Variants in SEMA3A observed in about 807,000 individuals in gnomAD.
SEMA3A encodes semaphorin 3A.
In SEMA3A, 29 loss-of-function variants were observed where a neutral mutation model predicts 97.9. That is an observed-to-expected ratio of 0.30 (90% CI 0.22 to 0.40). The LOEUF (loss-of-function observed/expected upper bound fraction) is 0.40, where lower values mean the gene tolerates loss of function less well. Ranked by LOEUF, SEMA3A falls within the 10% of genes least tolerant of loss-of-function variation. The pLI, the probability that SEMA3A is intolerant of heterozygous loss-of-function variation, is 1.00. For synonymous variants in SEMA3A, 321 were observed against 323.7 expected (o/e 0.99, Z 0.09); for missense variants, 763 against 951.3 (o/e 0.80, Z 2.60).
chr7:84,066,306 C>G (rs1202385727), intron 4 of SEMA3A, among the ~76,000 whole-genome samples: 1 of 152,032 alleles, frequency 6.6e-6, no homozygotes, highest in Non-Finnish European at 1.5e-5. Context: ...AAACCCACAT[C>G]CAATATCATA....
intron 3 of SEMA3A, among the ~76,000 whole-genome samples, chr7:84,286,844 A>C (rs1800602256): frequency 6.6e-6 from 1 of 152,132 alleles, no homozygotes; most frequent in South Asian, 2.1e-4. Context: ...TATTTGCATC[A>C]TTTAAAAATG....
At chr7:84,276,790 T>G (rs533350037) in intron 3 of SEMA3A, among the ~76,000 whole-genome samples, 1 of 152,124 alleles carries the variant, frequency 6.6e-6, no homozygotes, top group Non-Finnish European at 1.5e-5. Context: ...AACACTGATC[T>G]CATTAACAAA....
intron 1 of SEMA3A, among the ~76,000 whole-genome samples, chr7:84,475,398 TA>T (rs1357931905): frequency 1.3e-5 from 2 of 152,136 alleles, no homozygotes; most frequent in Non-Finnish European, 2.9e-5. Flanking sequence ...GTTTTAAGGT[TA>T]AAAAATTCAT....
At position 84,194,561 on chromosome 7, in the gene SEMA3A, CAG is replaced by C; in HGVS notation, c.24_25del (p.Cys9SerfsTer55). 1 of 1,612,766 alleles carries C rather than the reference CAG, an allele frequency of 6.2e-7. No individual in the cohort carries two copies. The highest frequency in any genetic ancestry group is 8.5e-7 in the Non-Finnish European group (1 of 1,178,836). On this transcript the variant is annotated frameshift_variant, in exon 1 of 17. Transcript: ENST00000265362. LOFTEE classifies it high-confidence loss of function. ...TGTAAGTAATACTCCCCAGAAAAGA[CAG>C]ACAATCCTAGTTAACCAGCCCATGC...
chr7:84,320,971 A>G, intron 2 of SEMA3A, among the ~76,000 whole-genome samples: 1 of 152,236 alleles, frequency 6.6e-6, no homozygotes, highest in African/African-American at 2.4e-5. Context: ...ACTGGCCATC[A>G]ATATTGGTGA....
At chr7:83,995,489 G>A (rs1336759093) in intron 12 of SEMA3A, among the ~76,000 whole-genome samples, 2 of 152,082 alleles carry the variant, frequency 1.3e-5, no homozygotes, top group Non-Finnish European at 2.9e-5. Flanking sequence ...TTTAGACCAG[G>A]AAATTAATAA....
intron 12 of SEMA3A, among the ~76,000 whole-genome samples, chr7:83,995,422 A>G (rs1463290700): frequency 6.6e-6 from 1 of 152,186 alleles, no homozygotes; most frequent in Non-Finnish European, 1.5e-5. Flanking sequence ...TGTCATATTA[A>G]GATTTTAATA....
intron 5 of SEMA3A, among the ~76,000 whole-genome samples, chr7:84,047,270 G>T (rs1562994674): frequency 2.6e-5 from 4 of 151,972 alleles, no homozygotes; most frequent in African/African-American, 7.2e-5. Context: ...GAAGGGAAAA[G>T]ACAAGAAGGG....
intron 3 of SEMA3A, among the ~76,000 whole-genome samples, chr7:84,253,898 T>C (rs1162058384): frequency 6.6e-6 from 1 of 152,172 alleles, no homozygotes; most frequent in Admixed American, 6.5e-5. Context: ...AGCACGGAGA[T>C]GCTAGACTAG....
At chr7:84,350,543 T>C (rs1275851415) in intron 2 of SEMA3A, among the ~76,000 whole-genome samples, 1 of 152,214 alleles carries the variant, frequency 6.6e-6, no homozygotes. Context: ...CAGATATTGT[T>C]ACTGGGGTAA....
At chr7:84,002,483 C>T (rs1790500669) in intron 11 of SEMA3A, among the ~76,000 whole-genome samples, 1 of 152,104 alleles carries the variant, frequency 6.6e-6, no homozygotes, top group Admixed American at 6.6e-5. Context: ...ACTTTTATTA[C>T]AAAATCAGGG....
At chr7:84,378,918 T>C (rs956148459) in intron 1 of SEMA3A, among the ~76,000 whole-genome samples, 1 of 118,470 alleles carries the variant, frequency 8.4e-6, no homozygotes, top group African/African-American at 4.3e-5. Flanking sequence ...GTTGTTGTTG[T>C]TGTTGTTGTT....
chr7:84,176,906 A>G (rs541708367), intron 1 of SEMA3A, among the ~76,000 whole-genome samples: 5 of 152,244 alleles, frequency 3.3e-5, no homozygotes, highest in African/African-American at 4.8e-5. Flanking sequence ...GCCACCATCT[A>G]AGCCTTCTTC....
chr7:84,304,232 T>A (rs1801098499), intron 3 of SEMA3A, among the ~76,000 whole-genome samples: 1 of 152,150 alleles, frequency 6.6e-6, no homozygotes, highest in South Asian at 2.1e-4. Flanking sequence ...CATGAAGTTT[T>A]GCTAGGATGT....
rs770149186 is a variant in SEMA3A, at chr7:84,220,699, C to T, written c.-82-26031G>A. Among the ~76,000 whole-genome samples the T allele has an allele frequency of 2.5e-4, 38 of 152,056 alleles. 1 individual carries two copies. Among genetic ancestry groups the T allele is most frequent in the Non-Finnish European group, 4.6e-4 (31 of 67,992 alleles). Reference sequence around the variant, plus strand: ...TGCATTGTCAGTGAGCAATAATATGCTGAAAGGAATCTTGTTTTCCTGAGC... The same window carrying T: ...TGCATTGTCAGTGAGCAATAATATGTTGAAAGGAATCTTGTTTTCCTGAGC... On this transcript the variant is annotated intron_variant, in intron 3 of 3. Coordinates refer to the SEMA3A transcript ENST00000424555.
chr7:84,242,995 G>A (rs947023049), intron 3 of SEMA3A, among the ~76,000 whole-genome samples: 1 of 152,182 alleles, frequency 6.6e-6, no homozygotes, highest in Non-Finnish European at 1.5e-5. Flanking sequence ...GCATCCCAGG[G>A]ATGAAGCCGA....
chr7:84,490,256 A>T (rs868035394), intron 1 of SEMA3A, among the ~76,000 whole-genome samples: 9 of 151,824 alleles, frequency 5.9e-5, no homozygotes, highest in African/African-American at 2.2e-4. Context: ...ACCATTACAA[A>T]TCTTCTTTGA....
chr7:84,043,462 A>G (rs545761250), intron 6 of SEMA3A, among the ~76,000 whole-genome samples: 1 of 152,236 alleles, frequency 6.6e-6, no homozygotes, highest in African/African-American at 2.4e-5. Flanking sequence ...AGTTGAACTG[A>G]TTTGAGAAAA....
intron 1 of SEMA3A, among the ~76,000 whole-genome samples, chr7:84,388,428 T>A (rs1030843945): frequency 2.0e-5 from 3 of 152,044 alleles, no homozygotes; most frequent in Non-Finnish European, 4.4e-5. Flanking sequence ...TGTTCTGTCA[T>A]TTTTTAGCCT....
Sources: gnomAD v4.1 joint callset for allele counts (sites outside exome capture counted in the v4.1 genomes callset) on GRCh38, gnomAD v4.1.1 for gene constraint, MANE v1.5 for transcripts, NCBI Gene and HGNC (gene_info 2026-07-23, HGNC 2026-07-21) for gene names.